ZSCAN26: variants seen among roughly 807,000 people sequenced by gnomAD.
ZSCAN26 encodes zinc finger and SCAN domain-containing protein 26.
In ZSCAN26, 26 loss-of-function variants were observed where a neutral mutation model predicts 23.0. That is an observed-to-expected ratio of 1.13 (90% confidence interval 0.83 to 1.57). The LOEUF (loss-of-function observed/expected upper bound fraction) is 1.57. Among genes scored for constraint, ZSCAN26 ranks in the 40% most tolerant of loss-of-function variants. The pLI is 0.00. For synonymous variants in ZSCAN26, 180 were observed against 202.5 expected (o/e 0.89, Z 0.94); for missense variants, 528 against 568.5 (o/e 0.93, Z 0.72).
At chr6:28,273,078 A>T (rs1341995691) in intron 3 of ZSCAN26, among the ~76,000 whole-genome samples, 1 of 152,200 alleles carries the variant, frequency 6.6e-6, no homozygotes, top group African/African-American at 2.4e-5. Flanking sequence ...TACAAAGGGA[A>T]CCTGGACCTT....
At position 28,276,381 on chromosome 6, in the gene ZSCAN26, T is replaced by C; in HGVS notation, c.725T>C (p.Ile242Thr). 2 of 1,614,004 alleles carry C rather than the reference T, an allele frequency of 1.2e-6. No individual in the cohort carries two copies. The highest frequency in any genetic ancestry group is 1.7e-6 in the Non-Finnish European group (2 of 1,179,882). ...YKCSEREQRF[I>T]QHLDLIEHAS... is the part of the protein sequence containing the mutation. ...TGCTCAGAACGTGAGCAGAGATTCA[T>C]CCAGCACTTGGACCTGATTGAACAT... Residue 242 changes from isoleucine (I) to threonine (T), a missense_variant, in exon 4 of 4, where the codon ATC (isoleucine) becomes ACC (threonine). Transcript: ENST00000421553.
In ZSCAN26 at chr6:28,272,064, C is replaced by G; in HGVS notation, c.145C>G (p.Pro49Ala). 1.3e-6 allele frequency: 2 copies of G among 1,558,612 alleles called. No individual in the cohort carries two copies. The highest frequency in any genetic ancestry group is 1.7e-6 in the Non-Finnish European group (2 of 1,150,808). The change falls in exon 2 of 4, where the codon CCA (proline) becomes GCA (alanine). Residue 49 changes from proline to alanine, a missense_variant. Pro to Ala is a conservative substitution (Grantham distance 27, BLOSUM62 -1). Transcript: ENST00000421553. ...AAACAGTAAAGGCCTTGGACAGGAGCCATTGTGCAAACAATTCAGGCAGTT... is the reference window on the plus strand; with the variant it reads ...AAACAGTAAAGGCCTTGGACAGGAGGCATTGTGCAAACAATTCAGGCAGTT... ...QGNSKGLGQE[P>A]LCKQFRQLRY...
chr6:28,267,299 G>C (rs897621980), intron 1 of ZSCAN26, 86 bp downstream of exon 1: 3 of 152,370 alleles, frequency 2.0e-5, no homozygotes, highest in African/African-American at 7.2e-5. Flanking sequence ...GGCGGGTGCA[G>C]AGAATCTTCC....
At chr6:28,267,722 T>TCTCAAAAAAA (rs1761504499) in intron 1 of ZSCAN26, among the ~76,000 whole-genome samples, 1 of 152,024 alleles carries the variant, frequency 6.6e-6, no homozygotes, top group Non-Finnish European at 1.5e-5. Flanking sequence ...AACTGTATCG[T>TCTCAAAAAAA]GTAAGGAATT....
Position 28,276,767 on chromosome 6 carries a change from G to A in ZSCAN26, c.1111G>A (p.Glu371Lys). Reference sequence around the variant, plus strand: ...TCAGGAGGAGCCCTGTGAGTGCAAGGAGTGTGGAAAAACCTTTAGTCAGGC... The same window carrying A: ...TCAGGAGGAGCCCTGTGAGTGCAAGAAGTGTGGAAAAACCTTTAGTCAGGC... ...HSQEEPCECK[E>K]CGKTFSQALL... Residue 371 changes from glutamate (E) to lysine (K), a missense_variant, in exon 4 of 4, where the codon GAG becomes AAG. By Grantham distance (56) the Glu-to-Lys change is moderately conservative. Transcript: ENST00000421553. 1 of 1,613,904 alleles carries A rather than the reference G, an allele frequency of 6.2e-7. No homozygotes were observed. Among genetic ancestry groups the A allele is most frequent in the Non-Finnish European group, 8.5e-7 (1 of 1,179,880 alleles).
At chr6:28,270,179 A>G (rs1184926715) in intron 1 of ZSCAN26, among the ~76,000 whole-genome samples, 4 of 152,308 alleles carry the variant, frequency 2.6e-5, no homozygotes, top group African/African-American at 9.6e-5. Context: ...TTTTACTTAT[A>G]TTAAGAATAC....
intron 3 of ZSCAN26, among the ~76,000 whole-genome samples, chr6:28,275,808 C>T (rs1761906017): frequency 6.6e-6 from 1 of 152,104 alleles, no homozygotes; most frequent in African/African-American, 2.4e-5. Flanking sequence ...AAATGTCGTC[C>T]CTTTCTTATG....
intron 1 of ZSCAN26, among the ~76,000 whole-genome samples, chr6:28,271,512 C>T (rs1461849058): frequency 6.6e-6 from 1 of 152,076 alleles, no homozygotes; most frequent in Non-Finnish European, 1.5e-5. Flanking sequence ...GCATGTGCCA[C>T]CATGCCTGGT....
intron 3 of ZSCAN26, among the ~76,000 whole-genome samples, chr6:28,273,949 G>A (rs1196206886): frequency 2.4e-4 from 36 of 151,946 alleles, no homozygotes; most frequent in Non-Finnish European, 7.4e-5. Flanking sequence ...TCGAACTCCT[G>A]GTCTTAAGCA....
At position 28,272,334 on chromosome 6, in the gene ZSCAN26, C is replaced by T. The variant is rs1200942391; in HGVS notation, c.415C>T (p.Gln139Ter). 4 of 1,528,502 alleles carry T rather than the reference C, an allele frequency of 2.6e-6. No individual in the cohort carries two copies. In the African/African-American group the frequency reaches 4.1e-5, roughly 16 times the overall value. 94.7% of individuals were successfully genotyped at this position (1,528,502 alleles called of 1,614,324 possible). A position where few individuals can be genotyped will look rare whatever the true frequency, so the allele number is the denominator to read the frequency against. The change falls in exon 2 of 4, where the codon CAG (glutamine) becomes TAG (stop). Residue 139 changes from glutamine to a stop codon, truncating the protein, a stop_gained. Coordinates refer to ENST00000421553, the MANE Select transcript of ZSCAN26 (RefSeq NM_001023560.4). LOFTEE classifies it high-confidence loss of function. ...GCTGGATCTTGGAGAAACAGGACAA[C>T]AGGTGGTAAGGGTCAGATGTGCTCT... ...LQLDLGETGQ[Q>*]VDPDQPKKQK...
Position 28,276,732 on chromosome 6 carries a change from G to T in ZSCAN26, c.1076G>T (p.Arg359Ile), listed in dbSNP as rs186064877. 3 of 1,613,744 alleles carry T rather than the reference G, an allele frequency of 1.9e-6. No homozygotes were observed. Among genetic ancestry groups the T allele is most frequent in the South Asian group, 1.1e-5 (1 of 91,010 alleles). ...RRSSHLNRHQ[R>I]IHSQEEPCEC... ...AGCTCTCACCTTAATCGACATCAGA[G>T]AATTCACAGTCAGGAGGAGCCCTGT... Residue 359 changes from arginine to isoleucine, a missense_variant, in exon 4 of 4, where the codon AGA becomes ATA. Arg to Ile is a moderately conservative substitution (Grantham distance 97). Coordinates refer to ENST00000421553, the MANE Select transcript of ZSCAN26 (RefSeq NM_001023560.4).
rs1490079998 is a variant in ZSCAN26 at position 28,276,762 on chromosome 6, G to T, written c.1106G>T (p.Cys369Phe). Reference protein sequence around the residue: ...RIHSQEEPCECKECGKTFSQA... With the variant: ...RIHSQEEPCEFKECGKTFSQA... ...CACAGTCAGGAGGAGCCCTGTGAGT[G>T]CAAGGAGTGTGGAAAAACCTTTAGT... is the stretch of plus-strand genomic sequence containing the variant. The change falls in exon 4 of 4, where the codon TGC (cysteine) becomes TTC (phenylalanine). Residue 369 changes from cysteine (C) to phenylalanine (F), a missense_variant. Coordinates refer to ENST00000421553, the MANE Select transcript of ZSCAN26 (RefSeq NM_001023560.4). 6.2e-7 allele frequency: 1 copy of T among 1,613,904 alleles called. No homozygotes were observed. Among genetic ancestry groups the T allele is most frequent in the South Asian group, 1.1e-5 (1 of 91,068 alleles).
intron 3 of ZSCAN26, among the ~76,000 whole-genome samples, chr6:28,273,125 A>T (rs1229601315): frequency 6.6e-6 from 1 of 152,090 alleles, no homozygotes; most frequent in African/African-American, 2.4e-5. Context: ...AGGGGTGAAT[A>T]AAAAAAGCAG....
chr6:28,276,704 C>G lies in ZSCAN26; in HGVS notation c.1048C>G (p.Arg350Gly). 6.2e-7 allele frequency: 1 copy of G among 1,612,722 alleles called. No individual in the cohort carries two copies. Among genetic ancestry groups the G allele is most frequent in the African/African-American group, 1.3e-5 (1 of 74,990 alleles). The change falls in exon 4 of 4, where the codon CGC becomes GGC. Residue 350 changes from arginine to glycine, a missense_variant. Coordinates refer to ENST00000421553, the MANE Select transcript of ZSCAN26 (RefSeq NM_001023560.4). Reference sequence around the variant, plus strand: ...TATCCATTGTGGAAAAAATTTTAGGCGCAGCTCTCACCTTAATCGACATCA... The same window carrying G: ...TATCCATTGTGGAAAAAATTTTAGGGGCAGCTCTCACCTTAATCGACATCA... Reference protein sequence around the residue: ...LCIHCGKNFRRSSHLNRHQRI... With the variant: ...LCIHCGKNFRGSSHLNRHQRI...
At chr6:28,271,483 C>T (rs563443066) in intron 1 of ZSCAN26, among the ~76,000 whole-genome samples, 3 of 152,160 alleles carry the variant, frequency 2.0e-5, no homozygotes. Context: ...CTCAGCCTCC[C>T]GAGTAGCTTG....
Position 28,276,446 on chromosome 6 carries a change from G to A in ZSCAN26, c.790G>A (p.Val264Met), listed in dbSNP as rs778598171. Residue 264 changes from valine to methionine, a missense_variant, in exon 4 of 4, where the codon GTG becomes ATG. Val to Met is a conservative substitution (Grantham distance 21). Transcript: ENST00000421553. ...GGGAAAGAAACTCTGCGAGTCTGATGTGTGTCAGAGTTCCAGTCTTACAGG... is the reference window on the plus strand; with the variant it reads ...GGGAAAGAAACTCTGCGAGTCTGATATGTGTCAGAGTTCCAGTCTTACAGG... ...HTGKKLCESD[V>M]CQSSSLTGHK... The A allele has an allele frequency of 2.5e-6, 4 of 1,613,898 alleles. No individual in the cohort carries two copies. The highest frequency in any genetic ancestry group is 1.3e-5 in the African/African-American group (1 of 74,936).
Position 28,277,222 on chromosome 6 carries a change from G to A in ZSCAN26, c.*126G>A, listed in dbSNP as rs112468414. 1.3e-3 allele frequency: 1,140 copies of A among 896,142 alleles called. 12 individuals carry two copies. In the African/African-American group the frequency reaches 0.014, roughly 11 times the overall value. 55.5% of individuals were successfully genotyped at this position (896,142 alleles called of 1,614,324 possible). A position where few individuals can be genotyped will look rare whatever the true frequency, so the allele number is the denominator to read the frequency against. ...TTGGGGGCTGAGTTGGAGGCTCCCT[G>A]CCTCTATTCTCTCTCCTTTGCTTTC... On this transcript the variant is annotated 3_prime_UTR_variant, in exon 4 of 4. Coordinates refer to ENST00000421553, the MANE Select transcript of ZSCAN26 (RefSeq NM_001023560.4).
At chr6:28,274,190 T>A (rs1761842756) in intron 3 of ZSCAN26, among the ~76,000 whole-genome samples, 1 of 152,184 alleles carries the variant, frequency 6.6e-6, no homozygotes, top group Non-Finnish European at 1.5e-5. Context: ...TGTTTTGTTT[T>A]CTGAGTCAGC....
At chr6:28,272,625 C>CAG in intron 2 of ZSCAN26, 45 bp from the exon 3 acceptor site, 2 of 1,486,902 alleles carry the variant, frequency 1.3e-6, no homozygotes, top group Non-Finnish European at 1.8e-6. Context: ...GTTTCCTAAA[C>CAG]CCACATATAT....
Sources: allele counts gnomAD v4.1 joint callset (sites outside exome capture counted in the v4.1 genomes callset), GRCh38; gene constraint gnomAD v4.1.1; transcripts MANE v1.5; gene names NCBI Gene and HGNC (gene_info 2026-07-23, HGNC 2026-07-21).